The following GRIK2 variants were observed in gnomAD, a reference collection of about 807,000 sequenced individuals.
The protein encoded by GRIK2 is glutamate ionotropic receptor kainate type subunit 2.
In GRIK2, 32 loss-of-function variants were observed where a neutral mutation model predicts 100.3. The ratio of observed to expected loss-of-function variants is 0.32; its 90% confidence interval spans 0.24 to 0.43. GRIK2 has a LOEUF of 0.43. Among genes scored for constraint, GRIK2 ranks in the 20% least tolerant of loss-of-function variants. The probability of loss-of-function intolerance (pLI) is 1.00; values close to 1 mark genes in which losing one functional copy is unlikely to be tolerated. For synonymous variants in GRIK2, 417 were observed against 389.4 expected (o/e 1.07, Z -0.83); for missense variants, 843 against 1,114.9 (o/e 0.76, Z 3.47).
rs543444790 is a variant in GRIK2, at chr6:101,874,309, A to G, written c.1524+14816A>G. ...GGAAGGGATCCAGTTTCAGCTTTCT[A>G]CATATGGCTAGCCAGTTTTCCCAGC... On this transcript the variant is annotated intron_variant, in intron 11 of 16. Transcript: ENST00000369134. Among the ~76,000 whole-genome samples the G allele has an allele frequency of 2.6e-4, 39 of 152,154 alleles. 1 individual carries two copies. Among genetic ancestry groups the G allele is most frequent in the Admixed American group, 2.4e-3 (37 of 15,272 alleles).
intron 2 of GRIK2, among the ~76,000 whole-genome samples, chr6:101,569,159 CA>C (rs929430380): frequency 4.0e-5 from 6 of 151,866 alleles, no homozygotes; most frequent in Non-Finnish European, 8.8e-5. Context: ...TCCTTTGTAA[CA>C]AATATAGGTT....
chr6:101,883,289 A>AAATAATGAT (rs1786386974), intron 11 of GRIK2, among the ~76,000 whole-genome samples: 1 of 144,310 alleles, frequency 6.9e-6, no homozygotes, highest in South Asian at 2.2e-4. Context: ...TCTCTTTGGC[A>AAATAATGAT]AATAATAATA....
At chr6:101,424,025 G>T (rs1244775168) in intron 2 of GRIK2, among the ~76,000 whole-genome samples, 1 of 152,098 alleles carries the variant, frequency 6.6e-6, no homozygotes, top group Non-Finnish European at 1.5e-5. Context: ...TACTCATGAG[G>T]ATTTGATTTC....
In GRIK2 at chr6:101,546,462, A is replaced by G. The variant is rs183427723; in HGVS notation, c.116-75487A>G. ...AAAAGGTATTTTATTTCATATATTG[A>G]GGGCATTGTAGCAAAGCAGTTAAGA... On this transcript the variant is annotated intron_variant, in intron 2 of 16. Transcript: ENST00000369134. Among the ~76,000 whole-genome samples the G allele has an allele frequency of 1.9e-3, 291 of 152,290 alleles. 2 individuals carry two copies. The highest frequency in any genetic ancestry group is 6.9e-3 in the African/African-American group (287 of 41,564).
chr6:101,787,574 G>GTA (rs1254133962), intron 7 of GRIK2, among the ~76,000 whole-genome samples: 2 of 152,206 alleles, frequency 1.3e-5, no homozygotes, highest in East Asian at 3.9e-4. Context: ...TCATTCAAGA[G>GTA]TATGCTGTTT....
intron 7 of GRIK2, among the ~76,000 whole-genome samples, chr6:101,697,905 A>G (rs921920109): frequency 7.2e-5 from 11 of 152,186 alleles, no homozygotes; most frequent in African/African-American, 2.6e-4. Context: ...TTGATCCTCC[A>G]TAAGTGATAT....
intron 14 of GRIK2, among the ~76,000 whole-genome samples, chr6:101,954,527 G>C (rs1383659174): frequency 6.6e-6 from 1 of 151,770 alleles, no homozygotes; most frequent in Admixed American, 6.6e-5. Context: ...TTTATATATA[G>C]AAATATAAGT....
chr6:101,998,807 C>CTT (rs1794777958), intron 14 of GRIK2, among the ~76,000 whole-genome samples: 1 of 115,804 alleles, frequency 8.6e-6, no homozygotes, highest in African/African-American at 2.9e-5. Flanking sequence ...TTTCTTTTTT[C>CTT]TTTTCTTTTT....
At chr6:101,448,313 G>A (rs1326367771) in intron 2 of GRIK2, among the ~76,000 whole-genome samples, 1 of 151,578 alleles carries the variant, frequency 6.6e-6, no homozygotes, top group Non-Finnish European at 1.5e-5. Context: ...ACCAAAATAA[G>A]TTGATAAATA....
chr6:101,876,769 T>C (rs931501576), intron 11 of GRIK2, among the ~76,000 whole-genome samples: 1 of 151,942 alleles, frequency 6.6e-6, no homozygotes, highest in African/African-American at 2.4e-5. Flanking sequence ...ACACCCAGCA[T>C]CCTTCTGTTC....
chr6:101,625,631 A>G (rs906584962), intron 3 of GRIK2, among the ~76,000 whole-genome samples: 1 of 152,108 alleles, frequency 6.6e-6, no homozygotes, highest in Non-Finnish European at 1.5e-5. Flanking sequence ...GGCACAGTCT[A>G]TTTTAATCTG....
intron 14 of GRIK2, among the ~76,000 whole-genome samples, chr6:101,988,382 T>C (rs1794166721): frequency 6.6e-6 from 1 of 151,848 alleles, no homozygotes; most frequent in Non-Finnish European, 1.5e-5. Context: ...GTACAAGATA[T>C]ATAGCATTGT....
At chr6:101,600,040 A>G (rs1779128415) in intron 2 of GRIK2, among the ~76,000 whole-genome samples, 1 of 151,938 alleles carries the variant, frequency 6.6e-6, no homozygotes, top group African/African-American at 2.4e-5. Flanking sequence ...TTAAGGTCTT[A>G]CATTTAAATA....
At chr6:102,026,171 A>G (rs945266913) in intron 14 of GRIK2, among the ~76,000 whole-genome samples, 42 of 141,216 alleles carry the variant, frequency 3.0e-4, no homozygotes, top group African/African-American at 1.1e-3. Flanking sequence ...CAGTAGGTAT[A>G]TGCTACAGTC....
chr6:101,745,378 A>G (rs1396730903), intron 7 of GRIK2, among the ~76,000 whole-genome samples: 1 of 152,196 alleles, frequency 6.6e-6, no homozygotes, highest in Non-Finnish European at 1.5e-5. Context: ...TCAGACCCTC[A>G]TAGAAAACAG....
At chr6:102,018,569 G>T (rs1006109779) in intron 14 of GRIK2, among the ~76,000 whole-genome samples, 1 of 151,976 alleles carries the variant, frequency 6.6e-6, no homozygotes, top group Admixed American at 6.6e-5. Context: ...TATCAGCTTA[G>T]GATTTTCCAC....
At chr6:101,908,836 A>G (rs1788430029) in intron 12 of GRIK2, among the ~76,000 whole-genome samples, 1 of 151,340 alleles carries the variant, frequency 6.6e-6, no homozygotes, top group Non-Finnish European at 1.5e-5. Flanking sequence ...AATATCAATC[A>G]TATTGAGAAC....
At chr6:101,466,342 A>G (rs1771644066) in intron 2 of GRIK2, among the ~76,000 whole-genome samples, 1 of 151,194 alleles carries the variant, frequency 6.6e-6, no homozygotes, top group South Asian at 2.1e-4. Context: ...AAAAGCTAAT[A>G]TGTAATTTGT....
chr6:101,650,788 T>G (rs1479401489), intron 4 of GRIK2, among the ~76,000 whole-genome samples: 2 of 152,136 alleles, frequency 1.3e-5, no homozygotes, highest in Admixed American at 1.3e-4. Flanking sequence ...TTAACTGACT[T>G]GAAAAATATC....
Sources: allele counts gnomAD v4.1 joint callset (sites outside exome capture counted in the v4.1 genomes callset), GRCh38; gene constraint gnomAD v4.1.1; transcripts MANE v1.5; gene names NCBI Gene and HGNC (gene_info 2026-07-23, HGNC 2026-07-21).